The following SLC16A7 variants were observed in gnomAD, a reference collection of about 807,000 sequenced individuals.
SLC16A7 encodes the protein monocarboxylate transporter 2.
Under a neutral mutation model 34.9 loss-of-function variants are expected in SLC16A7, and 33 were observed. The ratio of observed to expected loss-of-function variants is 0.94; its 90% confidence interval spans 0.72 to 1.26. The LOEUF is 1.26. Among genes scored for constraint, SLC16A7 ranks in the 50% most tolerant of loss-of-function variants. The probability of loss-of-function intolerance (pLI) is 0.00; values close to 1 mark genes in which losing one functional copy is unlikely to be tolerated. For missense variants in SLC16A7, 573 were observed against 578.1 expected, an observed-to-expected ratio of 0.99 and a Z score of 0.09; for synonymous variants, 201 against 206.6, an observed-to-expected ratio of 0.97 and a Z score of 0.23.
intron 2 of SLC16A7, among the ~76,000 whole-genome samples, chr12:59,659,289 T>C (rs1389392010): frequency 6.6e-6 from 1 of 152,080 alleles, no homozygotes; most frequent in Non-Finnish European, 1.5e-5. Context: ...TTAGCAGGTA[T>C]GAGTACATAT....
chr12:59,598,490 A>ATT (rs11381944), intron 1 of SLC16A7, among the ~76,000 whole-genome samples: 3 of 151,836 alleles, frequency 2.0e-5, no homozygotes, highest in African/African-American at 4.8e-5. Flanking sequence ...CTTTTAGTCC[A>ATT]TTTTTTTTCT....
chr12:59,621,212 T>C (rs1490814583), intron 1 of SLC16A7, among the ~76,000 whole-genome samples: 1 of 151,876 alleles, frequency 6.6e-6, no homozygotes, highest in South Asian at 2.1e-4. Flanking sequence ...TCACACTGAT[T>C]ATTGATTGTA....
At chr12:59,652,056 A>G (rs991469376) in intron 1 of SLC16A7, among the ~76,000 whole-genome samples, 2 of 152,022 alleles carry the variant, frequency 1.3e-5, no homozygotes, top group East Asian at 3.9e-4. Flanking sequence ...AACTCTCCTT[A>G]TAGAGTAGAT....
chr12:59,781,801 G>A lies in SLC16A7; in HGVS notation c.*2122G>A. 1 of 152,220 alleles carries A rather than the reference G, an allele frequency of 6.6e-6. No individual in the cohort carries two copies. Among genetic ancestry groups the A allele is most frequent in the Admixed American group, 6.6e-5 (1 of 15,248 alleles). 9.4% of individuals were successfully genotyped at this position (152,220 alleles called of 1,614,324 possible). ...AAAAAAATTCTACTTTCCAAAAAGT[G>A]TCTTGAATTCTCTGAAAAGGCACAT... On this transcript the variant is annotated 3_prime_UTR_variant, in exon 6 of 6. Coordinates refer to ENST00000547379, the MANE Select transcript of SLC16A7 (RefSeq NM_001270623.2).
In SLC16A7 at chr12:59,780,316, AAAT is replaced by A. The variant is rs1883152382; in HGVS notation, c.*638_*640del. On this transcript the variant is annotated 3_prime_UTR_variant, in exon 6 of 6. Coordinates refer to ENST00000547379, the MANE Select transcript of SLC16A7 (RefSeq NM_001270623.2). ...GTTTTAAAGATAAGCACATGGGTAA[AAAT>A]GAGGGTGATCCTTATTCAAAAATAA... The A allele has an allele frequency of 6.6e-6, 1 of 152,124 alleles. No individual in the cohort carries two copies. Among genetic ancestry groups the A allele is most frequent in the Admixed American group, 6.6e-5 (1 of 15,238 alleles). 9.4% of individuals were successfully genotyped at this position (152,124 alleles called of 1,614,324 possible).
chr12:59,597,494 A>G (rs1461907642), intron 1 of SLC16A7, among the ~76,000 whole-genome samples: 2 of 152,156 alleles, frequency 1.3e-5, no homozygotes, highest in South Asian at 2.1e-4. Flanking sequence ...GGCTAACCCC[A>G]GTCTGAACTC....
At chr12:59,775,523 C>T in intron 5 of SLC16A7, 48 bp downstream of exon 5, 1 of 1,379,612 alleles carries the variant, frequency 7.2e-7, no homozygotes, top group South Asian at 1.2e-5. Context: ...AAATTAATAT[C>T]CATTAACGGA....
At chr12:59,597,793 T>G (rs1326828876) in intron 1 of SLC16A7, among the ~76,000 whole-genome samples, 1 of 152,216 alleles carries the variant, frequency 6.6e-6, no homozygotes, top group Non-Finnish European at 1.5e-5. Context: ...ACTCAGTGTA[T>G]TGTGTAACAA....
At chr12:59,630,790 A>G (rs1012524146) in intron 1 of SLC16A7, among the ~76,000 whole-genome samples, 5 of 151,912 alleles carry the variant, frequency 3.3e-5, no homozygotes, top group African/African-American at 1.2e-4. Context: ...CTAAGGTGTA[A>G]GCTAATTCCT....
intron 3 of SLC16A7, among the ~76,000 whole-genome samples, chr12:59,762,763 G>C (rs1350071562): frequency 6.6e-6 from 1 of 151,320 alleles, no homozygotes; most frequent in Non-Finnish European, 1.5e-5. Flanking sequence ...TACTATAATA[G>C]TGCCTAGGAA....
rs928310314 is a variant in SLC16A7 at position 59,788,672 on chromosome 12, G to A, written c.*8993G>A. ...TACACATGAATGTACTTAAAGTATT[G>A]TTATGTGATCTTGGGATACTTATTT... is the stretch of plus-strand genomic sequence containing the variant. On this transcript the variant is annotated 3_prime_UTR_variant, in exon 6 of 6. Coordinates refer to ENST00000547379, the MANE Select transcript of SLC16A7 (RefSeq NM_001270623.2). The A allele has an allele frequency of 6.6e-6, 1 of 151,768 alleles. No homozygotes were observed. The highest frequency in any genetic ancestry group is 2.4e-5 in the African/African-American group (1 of 41,372). 9.4% of individuals were successfully genotyped at this position (151,768 alleles called of 1,614,324 possible). A position where few individuals can be genotyped will look rare whatever the true frequency, so the allele number is the denominator to read the frequency against.
chr12:59,771,289 C>T lies in SLC16A7; in HGVS notation c.288C>T (p.Cys96=), dbSNP rs755938063. Reference sequence around the variant, plus strand: ...TGGTGATAGCAGGAGGCTTATTATGCTGTCTTGGAATGGTGTTGGCCTCCT... The same window carrying T: ...TGGTGATAGCAGGAGGCTTATTATGTTGTCTTGGAATGGTGTTGGCCTCCT... ...RPVVIAGGLL[C]CLGMVLASFS... is the part of the protein sequence containing the mutation. Residue 96 remains cysteine (C), a synonymous_variant, in exon 4 of 6, where the codon TGC becomes TGT. Transcript: ENST00000547379. 6.8e-6 allele frequency: 11 copies of T among 1,613,296 alleles called. No homozygotes were observed. The highest frequency in any genetic ancestry group is 8.5e-7 in the Non-Finnish European group (1 of 1,179,550).
At chr12:59,608,304 T>G (rs1156402985) in intron 1 of SLC16A7, among the ~76,000 whole-genome samples, 1 of 152,188 alleles carries the variant, frequency 6.6e-6, no homozygotes, top group African/African-American at 2.4e-5. Flanking sequence ...GATGTAACAA[T>G]AAAGTGCTTG....
rs187111347 is a variant in SLC16A7 at position 59,692,452 on chromosome 12, G to A, written c.-30-12320G>A. On this transcript the variant is annotated intron_variant, in intron 2 of 5. Transcript: ENST00000547379. ...ATCTTGTCCGAAATGCTTGAAACCA[G>A]GTCAGCTGTGGAATTTGTCACTTGT... Among the ~76,000 whole-genome samples the A allele has an allele frequency of 7.4e-4, 112 of 151,994 alleles. No homozygotes were observed. The Middle Eastern group carries it at 0.024, about 32-fold the overall frequency.
chr12:59,692,156 G>A (rs568477775), intron 2 of SLC16A7, among the ~76,000 whole-genome samples: 12 of 151,776 alleles, frequency 7.9e-5, no homozygotes, highest in Non-Finnish European at 1.3e-4. Flanking sequence ...CTTTCTGCTG[G>A]GCCTCCATCC....
At chr12:59,605,007 C>T (rs771691139) in intron 1 of SLC16A7, among the ~76,000 whole-genome samples, 15 of 151,960 alleles carry the variant, frequency 9.9e-5, no homozygotes, top group African/African-American at 2.7e-4. Context: ...CCACCACGCC[C>T]GGCTAATTTT....
At chr12:59,642,912 A>C (rs2137008266) in intron 1 of SLC16A7, among the ~76,000 whole-genome samples, 1 of 152,240 alleles carries the variant, frequency 6.6e-6, no homozygotes, top group East Asian at 1.9e-4. Context: ...ATAATTGGGA[A>C]TACAGGCACA....
rs533936661 is a variant in SLC16A7, at chr12:59,677,148, TG to T, written c.-31+21901del. Among the ~76,000 whole-genome samples the T allele has an allele frequency of 1.9e-3, 291 of 152,310 alleles. 2 individuals are homozygous for T. Among genetic ancestry groups the T allele is most frequent in the African/African-American group, 5.7e-3 (236 of 41,566 alleles). ...TATAATGGAATCTAGGATGAGATCTTGGGAGTGCAGTCTTTTTGTGAACTGC... is the reference window on the plus strand; with the variant it reads ...TATAATGGAATCTAGGATGAGATCTTGGAGTGCAGTCTTTTTGTGAACTGC... On this transcript the variant is annotated intron_variant, in intron 2 of 5. Transcript: ENST00000547379.
chr12:59,771,197 C>A lies in SLC16A7; in HGVS notation c.218-22C>A, dbSNP rs189441918. ...AAATGACAAGAGCAACTGAGTATTT[C>A]TTTATCTCCTCTCTGCTGTAGGTCC... On this transcript the variant is annotated intron_variant, in intron 3 of 5. Transcript: ENST00000547379. 48 of 1,595,438 alleles carry A rather than the reference C, an allele frequency of 3.0e-5. No homozygotes were observed. In the Admixed American group the frequency reaches 8.5e-4, roughly 28 times the overall value.
Sources: gnomAD v4.1 joint callset for allele counts (sites outside exome capture counted in the v4.1 genomes callset) on GRCh38, gnomAD v4.1.1 for gene constraint, MANE v1.5 for transcripts, NCBI Gene and HGNC (gene_info 2026-07-23, HGNC 2026-07-21) for gene names.